Variants in ZNF217 observed in about 807,000 individuals in gnomAD.
The protein encoded by ZNF217 is zinc finger protein 217.
A neutral mutation model predicts 73.3 loss-of-function variants in ZNF217; 12 were observed. The observed-to-expected ratio is 0.16, with a 90% CI of 0.10 to 0.27. The LOEUF (loss-of-function observed/expected upper bound fraction) is 0.27. Among genes scored for constraint, ZNF217 ranks in the 10% least tolerant of loss-of-function variants. ZNF217 has a pLI of 1.00. For missense variants in ZNF217, 1,195 were observed against 1,327.8 expected, an observed-to-expected ratio of 0.90 and a Z score of 1.55; for synonymous variants, 588 against 516.4, an observed-to-expected ratio of 1.14 and a Z score of -1.88.
intron 1 of ZNF217, among the ~76,000 whole-genome samples, chr20:53,589,633 A>C (rs145575295): frequency 1.2e-4 from 19 of 152,298 alleles, no homozygotes; most frequent in Admixed American, 5.2e-4. Context: ...TCAGATTTCT[A>C]TCTCTCCTCG....
At chr20:53,592,034 C>T (rs1988892182) in intron 1 of ZNF217, among the ~76,000 whole-genome samples, 1 of 152,224 alleles carries the variant, frequency 6.6e-6, no homozygotes, top group South Asian at 2.1e-4. Context: ...TTTTGTTGAG[C>T]TTAATCTCAT....
chr20:53,589,903 C>G (rs1317903423), intron 1 of ZNF217, among the ~76,000 whole-genome samples: 2 of 134,326 alleles, frequency 1.5e-5, no homozygotes, highest in Non-Finnish European at 3.2e-5. Context: ...ACACCCCTCC[C>G]CCCCGCAGAA....
chr20:53,571,554 G>A (rs1281455718), intron 5 of ZNF217, among the ~76,000 whole-genome samples, 167 bp downstream of exon 5: 2 of 151,728 alleles, frequency 1.3e-5, no homozygotes, highest in Non-Finnish European at 2.9e-5. Context: ...ACAGGCACCC[G>A]CCACCACGCC....
intron 1 of ZNF217, among the ~76,000 whole-genome samples, chr20:53,589,912 A>T (rs1988823397): frequency 8.1e-6 from 1 of 123,330 alleles, no homozygotes; most frequent in Admixed American, 9.1e-5. Context: ...CCCCCCGCAG[A>T]ATCTGGAGAA....
Position 53,576,560 on chromosome 20 carries a change from T to C in ZNF217, c.2204A>G (p.Tyr735Cys). The C allele has an allele frequency of 6.2e-7, 1 of 1,614,256 alleles. No homozygotes were observed. Among genetic ancestry groups the C allele is most frequent in the Non-Finnish European group, 8.5e-7 (1 of 1,180,052 alleles). Residue 735 changes from tyrosine (Y) to cysteine (C), a missense_variant, in exon 4 of 6, where the codon TAC (tyrosine) becomes TGC (cysteine). Physicochemically the swap from Tyr to Cys is radical, Grantham distance 194 (BLOSUM62 -2). Around this residue, in one of 9 missense-constraint regions of ZNF217, gnomAD observed 649 missense variants for 642.8 expected, o/e 1.01. Transcript: ENST00000371471. Reference protein sequence around the residue: ...LMMHQRLEHKYNPDVHKNCRN... With the variant: ...LMMHQRLEHKCNPDVHKNCRN... ...ACAGTTTTTATGAACGTCAGGATTG[T>C]ATTTATGCTCCAGTCTCTGGTGCAT...
At position 53,582,371 on chromosome 20, in the gene ZNF217, A is replaced by C; in HGVS notation, c.456T>G (p.Asp152Glu). 1.3e-6 allele frequency: 2 copies of C among 1,594,632 alleles called. No individual in the cohort carries two copies. Among genetic ancestry groups the C allele is most frequent in the Non-Finnish European group, 1.7e-6 (2 of 1,169,300 alleles). The change falls in exon 2 of 6, where the codon GAT becomes GAG. Residue 152 changes from aspartate to glutamate, a missense_variant. Asp to Glu is a conservative substitution (Grantham distance 45). This residue lies in a region of ZNF217 where 31 missense variants were observed against 72.2 expected (regional missense o/e 0.43). Coordinates refer to ENST00000371471, the MANE Select transcript of ZNF217 (RefSeq NM_006526.3). The surrounding 1 kb of genome is among the most constrained non-coding windows in gnomAD (Gnocchi z 4.8). Reference sequence around the variant, plus strand: ...ACATGTTACACCCGTAAGTGAAAGAATCTTTGTGTGTTCTCATGTGGATCT... The same window carrying C: ...ACATGTTACACCCGTAAGTGAAAGACTCTTTGTGTGTTCTCATGTGGATCT... The part of the protein sequence containing the change: ...DVEIHMRTHK[D>E]SFTYGCNMCG...
Position 53,576,687 on chromosome 20 carries a change from C to T in ZNF217, c.2077G>A (p.Ala693Thr), listed in dbSNP as rs373031118. The T allele has an allele frequency of 1.9e-6, 3 of 1,614,062 alleles. No individual in the cohort carries two copies. Among genetic ancestry groups the T allele is most frequent in the African/African-American group, 1.3e-5 (1 of 74,924 alleles). ...GAAATTGCCGGGCAATTGTGAAGAG[C>T]CCCCACGGATAAATTTAAAGGTTTT... ...HEKPLNLSVG[A>T]LHNCPAISLS... Residue 693 changes from alanine to threonine, a missense_variant, in exon 4 of 6, where the codon GCT becomes ACT. Physicochemically the swap from Ala to Thr is moderately conservative, Grantham distance 58. Around this residue, in one of 9 missense-constraint regions of ZNF217, gnomAD observed 649 missense variants for 642.8 expected, o/e 1.01. Transcript: ENST00000371471.
intron 1 of ZNF217, among the ~76,000 whole-genome samples, chr20:53,585,573 T>A (rs1271610908): frequency 6.6e-6 from 1 of 151,888 alleles, no homozygotes; most frequent in East Asian, 1.9e-4. Flanking sequence ...TATGATGGAG[T>A]GTTATTTCCC....
At chr20:53,588,686 G>A (rs1988786058) in intron 1 of ZNF217, among the ~76,000 whole-genome samples, 1 of 151,792 alleles carries the variant, frequency 6.6e-6, no homozygotes, top group Admixed American at 6.6e-5. Context: ...TTCTTCCAAT[G>A]AGCGCTCTCA....
rs1302926852 is a variant in ZNF217, at chr20:53,581,852, G to A, written c.975C>T (p.Asp325=). 5.0e-6 allele frequency: 8 copies of A among 1,614,106 alleles called. No homozygotes were observed. The African/African-American group carries it at 8.0e-5, about 16-fold the overall frequency. ...ESGQEGSTDN[D]DSSSEKELGE... ...CAAGCTCCTTCTCGGAACTCGAATCGTCGTTGTCGGTGCTCCCTTCTTGCC... is the reference window on the plus strand; with the variant it reads ...CAAGCTCCTTCTCGGAACTCGAATCATCGTTGTCGGTGCTCCCTTCTTGCC... The change falls in exon 2 of 6, where the codon GAC becomes GAT. Residue 325 remains aspartate (D), a synonymous_variant. Coordinates refer to ENST00000371471, the MANE Select transcript of ZNF217 (RefSeq NM_006526.3). This position sits in a 1 kb window ranked among gnomAD's most constrained non-coding sequence, Gnocchi z 4.9.
chr20:53,595,046 C>CAAAAA (rs55752265), upstream of ZNF217, among the ~76,000 whole-genome samples: 11 of 105,214 alleles, frequency 1.0e-4, no homozygotes, highest in Admixed American at 3.2e-4. Context: ...AAAAAAGGGA[C>CAAAAA]AAAAAAAAAA....
Position 53,576,925 on chromosome 20 carries a change from T to C in ZNF217, c.1839A>G (p.Lys613=), listed in dbSNP as rs772584719. 2 of 1,614,064 alleles carry C rather than the reference T, an allele frequency of 1.2e-6. No homozygotes were observed. Among genetic ancestry groups the C allele is most frequent in the Admixed American group, 3.3e-5 (2 of 59,998 alleles). ...HKNAADDSAD[K]VNKNPTPAYL... ...AAGCAGGGGTAGGGTTTTTATTCAC[T>C]TTATCAGCACTGTCATCAGCTGCAT... The change falls in exon 4 of 6, where the codon AAA becomes AAG. Residue 613 remains lysine, a synonymous_variant. Coordinates refer to ENST00000371471, the MANE Select transcript of ZNF217 (RefSeq NM_006526.3).
chr20:53,591,583 AC>A (rs1988880925), intron 1 of ZNF217, among the ~76,000 whole-genome samples: 1 of 152,248 alleles, frequency 6.6e-6, no homozygotes, highest in African/African-American at 2.4e-5. Flanking sequence ...ACAAAACGAA[AC>A]ACTATTAGTC....
chr20:53,569,069 C>T lies in ZNF217; in HGVS notation c.*219G>A, dbSNP rs1987871030. 8.4e-7 allele frequency: 1 copy of T among 1,187,080 alleles called. No individual in the cohort carries two copies. The highest frequency in any genetic ancestry group is 1.6e-5 in the African/African-American group (1 of 61,128). The allele number at this position is 1,187,080 out of a possible 1,614,324, so 73.5% of individuals were successfully genotyped here. ...CCCATGTATGTAAGTTCCAACTGTT[C>T]CAACTAGTTTGTATTGCTATTTGGT... On this transcript the variant is annotated 3_prime_UTR_variant, in exon 6 of 6. Coordinates refer to ENST00000371471, the MANE Select transcript of ZNF217 (RefSeq NM_006526.3).
At position 53,567,395 on chromosome 20, in the gene ZNF217, TA is replaced by T. The variant is rs1181235895; in HGVS notation, c.*1892del. ...ATTTTTATACATTCAGAAATGTGGTTAAAAAGAGAAATCTGAAAGCCCAAAA... is the reference window on the plus strand; with the variant it reads ...ATTTTTATACATTCAGAAATGTGGTTAAAAGAGAAATCTGAAAGCCCAAAA... On this transcript the variant is annotated 3_prime_UTR_variant, in exon 6 of 6. Coordinates refer to ENST00000371471, the MANE Select transcript of ZNF217 (RefSeq NM_006526.3). The T allele has an allele frequency of 6.6e-6, 1 of 152,632 alleles. No individual in the cohort carries two copies. The highest frequency in any genetic ancestry group is 1.9e-4 in the East Asian group (1 of 5,208). 9.5% of individuals were successfully genotyped at this position (152,632 alleles called of 1,614,324 possible). A position where few individuals can be genotyped will look rare whatever the true frequency, so the allele number is the denominator to read the frequency against.
At chr20:53,585,180 C>G (rs1190984440) in intron 1 of ZNF217, among the ~76,000 whole-genome samples, 1 of 147,718 alleles carries the variant, frequency 6.8e-6, no homozygotes, top group Admixed American at 6.8e-5. Context: ...TTGACTAATA[C>G]GTGAAACTGT....
chr20:53,574,125 C>A (rs1988138172), intron 4 of ZNF217, among the ~76,000 whole-genome samples: 1 of 151,780 alleles, frequency 6.6e-6, no homozygotes, highest in Admixed American at 6.6e-5. Context: ...GAAGTAAATG[C>A]TATGTAAATA....
intron 1 of ZNF217, among the ~76,000 whole-genome samples, chr20:53,585,054 T>A (rs1464144364): frequency 1.4e-5 from 2 of 138,028 alleles, no homozygotes; most frequent in Admixed American, 7.5e-5. Flanking sequence ...GTTTTTTTTT[T>A]AATGTCCTTA....
intron 3 of ZNF217, among the ~76,000 whole-genome samples, chr20:53,578,085 C>T (rs781554945): frequency 3.3e-5 from 5 of 151,668 alleles, no homozygotes; most frequent in Non-Finnish European, 7.4e-5. Context: ...GCACTCCAGC[C>T]GAGGTGACAG....
Sources: allele counts gnomAD v4.1 joint callset (sites outside exome capture counted in the v4.1 genomes callset), GRCh38; gene constraint gnomAD v4.1.1; regional missense constraint gnomAD v4.1.1; non-coding constraint Gnocchi (gnomAD v3.1); transcripts MANE v1.5; gene names NCBI Gene and HGNC (gene_info 2026-07-23, HGNC 2026-07-21).